FTO: variants seen among roughly 807,000 people sequenced by gnomAD.
FTO encodes the protein FTO alpha-ketoglutarate dependent dioxygenase.
In FTO, 47 loss-of-function variants were observed where a neutral mutation model predicts 63.9. That is an observed-to-expected ratio of 0.74 (90% CI 0.58 to 0.94). The LOEUF is 0.94. Among genes scored for constraint, FTO ranks in the 40% least tolerant of loss-of-function variants. FTO has a pLI of 0.00. For missense variants in FTO, 562 were observed against 618.1 expected (o/e 0.91, Z 0.96); for synonymous variants, 207 against 224.4 (o/e 0.92, Z 0.69).
At chr16:53,924,948 A>G (rs889735320) in intron 7 of FTO, among the ~76,000 whole-genome samples, 1 of 152,112 alleles carries the variant, frequency 6.6e-6, no homozygotes, top group East Asian at 1.9e-4. Context: ...CAAAAGAGCC[A>G]TCTTAAACTG....
At position 54,114,061 on chromosome 16, in the gene FTO, C is replaced by T. The variant is rs1376677540; in HGVS notation, c.*2146C>T. The T allele has an allele frequency of 6.6e-6, 1 of 152,220 alleles. No homozygotes were observed. Among genetic ancestry groups the T allele is most frequent in the Non-Finnish European group, 1.5e-5 (1 of 68,092 alleles). The allele number at this position is 152,220 out of a possible 1,614,324, so 9.4% of individuals were successfully genotyped here. On this transcript the variant is annotated 3_prime_UTR_variant, in exon 9 of 9. Coordinates refer to ENST00000471389, the MANE Select transcript of FTO (RefSeq NM_001080432.3). Reference sequence around the variant, plus strand: ...CCTCGTGATCCACCCACCTCGGTCTCCCAAAGCGCTGGGATTACAGGCGTG... The same window carrying T: ...CCTCGTGATCCACCCACCTCGGTCTTCCAAAGCGCTGGGATTACAGGCGTG...
chr16:53,753,252 C>CAAAAAAA (rs35605359), intron 1 of FTO, among the ~76,000 whole-genome samples: 1 of 77,968 alleles, frequency 1.3e-5, no homozygotes, highest in Non-Finnish European at 2.7e-5. Context: ...GACCCTGTCT[C>CAAAAAAA]AAAAAAAAAA....
intron 1 of FTO, among the ~76,000 whole-genome samples, chr16:53,715,203 C>T (rs892608287): frequency 2.6e-5 from 4 of 152,160 alleles, no homozygotes; most frequent in South Asian, 4.1e-4. Context: ...ACACTGAGTG[C>T]TTAATCTTAG....
chr16:54,067,028 A>T (rs1252954661), intron 8 of FTO, among the ~76,000 whole-genome samples: 1 of 152,190 alleles, frequency 6.6e-6, no homozygotes, highest in Non-Finnish European at 1.5e-5. Flanking sequence ...CCCTCTCCTT[A>T]GGTTTGTAAA....
At chr16:53,704,139 A>G, upstream of FTO, 1 of 1,544,878 alleles carries the variant, frequency 6.5e-7, no homozygotes, top group Non-Finnish European at 8.8e-7. Flanking sequence ...GTCCAGGGCG[A>G]GGGATCTACG....
intron 1 of FTO, among the ~76,000 whole-genome samples, chr16:53,720,672 A>G (rs1353115826): frequency 6.8e-6 from 1 of 147,706 alleles, no homozygotes; most frequent in Non-Finnish European, 1.5e-5. Flanking sequence ...TATATATATA[A>G]AAGATATATA....
Position 53,894,480 on chromosome 16 carries a change from A to C in FTO, c.1239+5529A>C, listed in dbSNP as rs117963266. 5.9e-3 allele frequency among the ~76,000 whole-genome samples: 898 copies of C among 152,314 alleles called. 5 individuals are homozygous for C. The highest frequency in any genetic ancestry group is 7.2e-3 in the Non-Finnish European group (487 of 68,022). ...ATTTACTGAAATTTTTACTGAGTAT[A>C]CTGGTATTTGCTATTGTATTATAGT... On this transcript the variant is annotated intron_variant, in intron 7 of 8. Coordinates refer to ENST00000471389, the MANE Select transcript of FTO (RefSeq NM_001080432.3).
At position 54,121,088 on chromosome 16, in the gene FTO, G is replaced by T. The variant is rs1424788533; in HGVS notation, c.*9173G>T. 6.6e-6 allele frequency: 1 copy of T among 152,350 alleles called. No individual in the cohort carries two copies. The allele number at this position is 152,350 out of a possible 1,614,324, so 9.4% of individuals were successfully genotyped here. ...TATTGGAACGCAGCCATGCTCATCG[G>T]TTTATGTATTATCTATGGCTGTTTC... On this transcript the variant is annotated 3_prime_UTR_variant, in exon 9 of 9. Transcript: ENST00000471389.
chr16:53,771,086 G>A (rs1211733523), intron 1 of FTO, among the ~76,000 whole-genome samples: 6 of 152,076 alleles, frequency 3.9e-5, no homozygotes, highest in African/African-American at 7.2e-5. Context: ...AGAGACTTTC[G>A]CGAAAGGGAT....
chr16:53,870,102 C>T (rs1277881700), intron 4 of FTO, among the ~76,000 whole-genome samples: 1 of 152,042 alleles, frequency 6.6e-6, no homozygotes, highest in Non-Finnish European at 1.5e-5. Flanking sequence ...TTTTCTCATT[C>T]TTAGTTCCAA....
At chr16:53,763,744 A>G (rs1309769548) in intron 1 of FTO, among the ~76,000 whole-genome samples, 1 of 152,178 alleles carries the variant, frequency 6.6e-6, no homozygotes, top group Non-Finnish European at 1.5e-5. Context: ...AAATGAGGGA[A>G]TTTTATAAAG....
chr16:53,923,504 G>T (rs1318921286), intron 7 of FTO, among the ~76,000 whole-genome samples: 14 of 152,182 alleles, frequency 9.2e-5, no homozygotes, highest in Non-Finnish European at 2.9e-5. Flanking sequence ...TCAGTCGAGT[G>T]CTCTCTGAAG....
chr16:53,839,117 A>G (rs1401951170), intron 3 of FTO, among the ~76,000 whole-genome samples: 2 of 152,196 alleles, frequency 1.3e-5, no homozygotes, highest in Non-Finnish European at 2.9e-5. Context: ...GGCATAAAAC[A>G]TTGAATGGGT....
intron 1 of FTO, among the ~76,000 whole-genome samples, chr16:53,741,677 A>C (rs2076530577): frequency 6.6e-6 from 1 of 152,144 alleles, no homozygotes; most frequent in Admixed American, 6.5e-5. Flanking sequence ...TGCCATTCTC[A>C]GCATGCAATT....
intron 1 of FTO, among the ~76,000 whole-genome samples, chr16:53,804,624 T>A (rs754781864): frequency 7.1e-6 from 1 of 141,224 alleles, no homozygotes; most frequent in African/African-American, 2.8e-5. Context: ...TAGCTACTTC[T>A]TATTGATCTT....
chr16:53,795,450 TGTGTGTGTGTGTGTGTGCGTGC>T (rs1392229032), intron 1 of FTO, among the ~76,000 whole-genome samples: 1 of 149,182 alleles, frequency 6.7e-6, no homozygotes, highest in Non-Finnish European at 1.5e-5. Flanking sequence ...CTAATACATT[TGTGTGTGTGTGTGTGTGCGTGC>T]GTGTGTGTGT....
At chr16:54,054,294 T>C (rs2085379473) in intron 8 of FTO, among the ~76,000 whole-genome samples, 1 of 152,182 alleles carries the variant, frequency 6.6e-6, no homozygotes, top group Non-Finnish European at 1.5e-5. Flanking sequence ...ATTTGATTAC[T>C]AATAGATCCT....
intron 8 of FTO, among the ~76,000 whole-genome samples, chr16:54,049,769 C>T (rs1175790203): frequency 6.6e-6 from 1 of 152,200 alleles, no homozygotes; most frequent in Non-Finnish European, 1.5e-5. Flanking sequence ...AAGGTGGCCA[C>T]TCTGAGATGC....
chr16:54,034,869 C>T (rs1310730376), intron 8 of FTO, among the ~76,000 whole-genome samples: 1 of 152,190 alleles, frequency 6.6e-6, no homozygotes, highest in Admixed American at 6.5e-5. Context: ...TCAGCCCCCA[C>T]TGACAGTGTG....
Sources: allele counts gnomAD v4.1 joint callset (sites outside exome capture counted in the v4.1 genomes callset), GRCh38; gene constraint gnomAD v4.1.1; transcripts MANE v1.5; gene names NCBI Gene and HGNC (gene_info 2026-07-23, HGNC 2026-07-21).